TTC4: variants seen among roughly 807,000 people sequenced by gnomAD.
TTC4 encodes tetratricopeptide repeat domain 4.
In TTC4, 36 loss-of-function variants were observed where a neutral mutation model predicts 51.9. The ratio of observed to expected loss-of-function variants is 0.69; its 90% confidence interval spans 0.53 to 0.92. The LOEUF (loss-of-function observed/expected upper bound fraction) is 0.92, where lower values mean the gene tolerates loss of function less well. Among genes scored for constraint, TTC4 ranks in the 40% least tolerant of loss-of-function variants. The pLI, the probability that TTC4 is intolerant of heterozygous loss-of-function variation, is 0.00. For synonymous variants in TTC4, 144 were observed against 164.2 expected (o/e 0.88, Z 0.94); for missense variants, 399 against 454.6 (o/e 0.88, Z 1.11).
chr1:54,733,853 A>G (rs182354631), intron 8 of TTC4, 143 bp downstream of exon 8: 1 of 567,846 alleles, frequency 1.8e-6, no homozygotes, highest in Non-Finnish European at 3.0e-6. Context: ...CATTTTAACC[A>G]TTTTTAGGTA....
chr1:54,736,199 A>C (rs1048154383), intron 8 of TTC4, among the ~76,000 whole-genome samples: 33 of 133,156 alleles, frequency 2.5e-4, no homozygotes, highest in Middle Eastern at 3.6e-3. Context: ...AGAGAGAGAG[A>C]GAGAGAGAGA....
At chr1:54,719,208 A>G (rs1377425482) in intron 3 of TTC4, among the ~76,000 whole-genome samples, 1 of 150,510 alleles carries the variant, frequency 6.6e-6, no homozygotes, top group Non-Finnish European at 1.5e-5. Flanking sequence ...GGGGTAAGGA[A>G]TATGGGACTC....
At chr1:54,732,714 C>T (rs527329745) in intron 7 of TTC4, among the ~76,000 whole-genome samples, 2 of 151,922 alleles carry the variant, frequency 1.3e-5, no homozygotes, top group African/African-American at 4.8e-5. Context: ...CCCACCTCGG[C>T]CTCCCAAAGT....
rs745361584 is a variant in TTC4 at position 54,721,214 on chromosome 1, C to A, written c.443C>A (p.Pro148His). 14 of 1,613,148 alleles carry A rather than the reference C, an allele frequency of 8.7e-6. No individual in the cohort carries two copies. Among genetic ancestry groups the A allele is most frequent in the Admixed American group, 1.7e-5 (1 of 59,946 alleles). The change falls in exon 4 of 10, where the codon CCC (proline) becomes CAC (histidine). Residue 148 changes from proline (P) to histidine (H), a missense_variant. Around this residue, in one of 3 missense-constraint regions of TTC4, gnomAD observed 316 missense variants for 349.6 expected, o/e 0.90. Coordinates refer to ENST00000371281, the MANE Select transcript of TTC4 (RefSeq NM_004623.5). ...NDVTAARKLK[P>H]CHLKAIIRGA... Reference sequence around the variant, plus strand: ...GTGACAGCTGCCAGAAAGCTAAAACCCTGCCACCTCAAAGCAATAATAAGA... The same window carrying A: ...GTGACAGCTGCCAGAAAGCTAAAACACTGCCACCTCAAAGCAATAATAAGA...
intron 5 of TTC4, among the ~76,000 whole-genome samples, chr1:54,727,055 CA>C (rs56739564): frequency 0.45 from 46,259 of 102,630 alleles, 6,471 homozygotes; most frequent in East Asian, 0.55. Flanking sequence ...TCATGAAAGA[CA>C]AAAAAAAAAA....
At chr1:54,724,939 G>T (rs1645782748) in intron 5 of TTC4, among the ~76,000 whole-genome samples, 1 of 152,116 alleles carries the variant, frequency 6.6e-6, no homozygotes, top group Non-Finnish European at 1.5e-5. Context: ...AAAAATGTTG[G>T]AACCTCAGTA....
Position 54,722,658 on chromosome 1 carries a change from G to C in TTC4, c.470-17G>C, listed in dbSNP as rs749265267. On this transcript the variant is annotated splice_polypyrimidine_tract_variant and intron_variant, in intron 4 of 9. Coordinates refer to ENST00000371281, the MANE Select transcript of TTC4 (RefSeq NM_004623.5). ...ATGCATGTTTTTCTTGAATCCTAAG[G>C]GTTCTGGGTTCTGCAGGTGCCTTAT... 1.4e-5 allele frequency: 23 copies of C among 1,608,530 alleles called. No homozygotes were observed. Among genetic ancestry groups the C allele is most frequent in the East Asian group, 2.2e-5 (1 of 44,860 alleles).
At chr1:54,720,076 A>T (rs1403605973) in intron 3 of TTC4, among the ~76,000 whole-genome samples, 2 of 151,936 alleles carry the variant, frequency 1.3e-5, no homozygotes, top group East Asian at 1.9e-4. Flanking sequence ...TTTTTAAAAA[A>T]TTTTTTGTAG....
chr1:54,731,745 C>G, intron 7 of TTC4, 45 bp downstream of exon 7: 1 of 1,581,786 alleles, frequency 6.3e-7, no homozygotes, highest in Non-Finnish European at 8.6e-7. Context: ...TGCATGCTGT[C>G]TCTGTTTTTG....
At chr1:54,737,340 T>C in intron 8 of TTC4, 1 of 446,998 alleles carries the variant, frequency 2.2e-6, no homozygotes, top group East Asian at 4.2e-5. Context: ...CAGGGTAATG[T>C]TGGCAAGTTG....
intron 4 of TTC4, among the ~76,000 whole-genome samples, chr1:54,721,749 T>TC (rs1299399003): frequency 6.6e-6 from 1 of 152,200 alleles, no homozygotes; most frequent in African/African-American, 2.4e-5. Flanking sequence ...ATATTAATCT[T>TC]CCCTGCATCC....
intron 4 of TTC4, 146 bp downstream of exon 4, chr1:54,721,386 C>T (rs778257783): frequency 2.6e-5 from 16 of 607,484 alleles, no homozygotes; most frequent in Non-Finnish European, 4.4e-5. Context: ...AAGAATTCCT[C>T]AGAGAGTGAC....
intron 2 of TTC4, 55 bp downstream of exon 2, chr1:54,716,772 G>A: frequency 1.4e-6 from 2 of 1,455,364 alleles, no homozygotes; most frequent in South Asian, 1.2e-5. Context: ...GAAATTAAGT[G>A]TGGGTTAGAA....
intron 9 of TTC4, 32 bp from the exon 10 acceptor site, chr1:54,741,379 T>C (rs72911732): frequency 0.05 from 77,964 of 1,560,374 alleles, 2,352 homozygotes; most frequent in African/African-American, 0.12. Flanking sequence ...GTAATTAAAT[T>C]AACACCCTCT....
intron 3 of TTC4, 86 bp from the exon 4 acceptor site, chr1:54,721,077 C>A: frequency 1.6e-6 from 2 of 1,263,770 alleles, no homozygotes; most frequent in Non-Finnish European, 2.3e-6. Context: ...CAGGATTGTA[C>A]AAGAGTGTCT....
At chr1:54,739,980 G>C (rs1249539257) in intron 9 of TTC4, among the ~76,000 whole-genome samples, 1 of 152,168 alleles carries the variant, frequency 6.6e-6, no homozygotes, top group African/African-American at 2.4e-5. Flanking sequence ...GAGCTCAGAA[G>C]TTAGAGATCA....
intron 3 of TTC4, among the ~76,000 whole-genome samples, chr1:54,718,613 C>T (rs60609214): frequency 0.092 from 14,058 of 152,092 alleles, 915 homozygotes; most frequent in South Asian, 0.19. Flanking sequence ...GTTAAAGACA[C>T]TGAGATAGCC....
chr1:54,733,781 G>T, intron 8 of TTC4, 71 bp downstream of exon 8: 2 of 1,004,398 alleles, frequency 2.0e-6, no homozygotes, highest in South Asian at 1.6e-5. Context: ...TTTGCGGCGG[G>T]GGAAGCAGTC....
chr1:54,737,484 C>A, intron 8 of TTC4, 98 bp from the exon 9 acceptor site: 1 of 1,089,958 alleles, frequency 9.2e-7, no homozygotes, highest in Non-Finnish European at 1.3e-6. Context: ...CATTCAACTA[C>A]TAACCGTTGC....
Sources: gnomAD v4.1 joint callset for allele counts (sites outside exome capture counted in the v4.1 genomes callset) on GRCh38, gnomAD v4.1.1 for gene constraint, gnomAD v4.1.1 regional missense constraint, MANE v1.5 for transcripts, NCBI Gene and HGNC (gene_info 2026-07-23, HGNC 2026-07-21) for gene names.